Variants in RHOV observed in about 807,000 individuals in gnomAD.
The protein encoded by RHOV is ras homolog family member V, also known as rho-related GTP-binding protein RhoV.
In RHOV, 6 loss-of-function variants were observed where a neutral mutation model predicts 20.2. That is an observed-to-expected ratio of 0.30 (90% CI 0.16 to 0.59). The LOEUF is 0.59. Ranked by LOEUF, RHOV falls within the 20% of genes least tolerant of loss-of-function variation. The pLI is 0.89. For synonymous variants in RHOV, 136 were observed against 142.3 expected, an observed-to-expected ratio of 0.96 and a Z score of 0.31; for missense variants, 275 against 319.4, an observed-to-expected ratio of 0.86 and a Z score of 1.06.
chr15:40,873,354 G>A lies in RHOV; in HGVS notation c.415C>T (p.Leu139=), dbSNP rs568713452. 907 of 1,613,126 alleles carry A rather than the reference G, an allele frequency of 5.6e-4. 14 individuals carry two copies. The South Asian group carries it at 9.2e-3, about 16-fold the overall frequency. Residue 139 remains leucine, a synonymous_variant, in exon 3 of 3, where the codon CTG becomes TTG. Transcript: ENST00000220507. ...AGGTCGGCCTGGGTGCCCACCAGCA[G>A]CACAGGCGCCTGGGGGTTGTGCGTG... ...IRTHNPQAPV[L]LVGTQADLRD... is the part of the protein sequence containing the mutation.
rs770552675 is a variant in RHOV, at chr15:40,874,081, G to A, written c.59C>T (p.Pro20Leu). The A allele has an allele frequency of 2.0e-5, 30 of 1,505,090 alleles. No homozygotes were observed. The highest frequency in any genetic ancestry group is 2.4e-5 in the Non-Finnish European group (27 of 1,130,926). 93.2% of individuals were successfully genotyped at this position (1,505,090 alleles called of 1,614,324 possible). A position where few individuals can be genotyped will look rare whatever the true frequency, so the allele number is the denominator to read the frequency against. Residue 20 changes from proline to leucine, a missense_variant, in exon 1 of 3, where the codon CCC becomes CTC. Pro to Leu is a moderately conservative substitution (Grantham distance 98). Coordinates refer to ENST00000220507, the MANE Select transcript of RHOV (RefSeq NM_133639.4). Reference sequence around the variant, plus strand: ...TGGGGGCGCGCTACGCCGCCGCGGGGGAGGGGTCGGGGCCCGGAGCGGGGG... The same window carrying A: ...TGGGGGCGCGCTACGCCGCCGCGGGAGAGGGGTCGGGGCCCGGAGCGGGGG... ...EPPPLRAPTP[P>L]PRRRSAPPEL... is the part of the protein sequence containing the mutation.
chr15:40,873,023 C>T lies in RHOV; in HGVS notation c.*35G>A, dbSNP rs776123479. The T allele has an allele frequency of 5.1e-6, 8 of 1,563,900 alleles. No individual in the cohort carries two copies. The East Asian group carries it at 1.8e-4, about 35-fold the overall frequency. On this transcript the variant is annotated 3_prime_UTR_variant, in exon 3 of 3. Transcript: ENST00000220507. ...GCCCCAGGTCTCAGAAGTCTTTGGC[C>T]TCCTGCCTACTACTTGCTATGCAGC...
Position 40,874,165 on chromosome 15 carries a change from GC to G in RHOV, c.-27del. ...GGCCCGCTCCGGGGGCAGCAGAGGG[GC>G]CAGCCCGGGTCTCGGCTTCGCTGCG... is the stretch of plus-strand genomic sequence containing the variant. On this transcript the variant is annotated 5_prime_UTR_variant, in exon 1 of 3. Coordinates refer to ENST00000220507, the MANE Select transcript of RHOV (RefSeq NM_133639.4). 1.8e-6 allele frequency: 2 copies of G among 1,099,440 alleles called. No homozygotes were observed. The highest frequency in any genetic ancestry group is 2.4e-6 in the Non-Finnish European group (2 of 841,988). The allele number at this position is 1,099,440 out of a possible 1,614,324, so 68.1% of individuals were successfully genotyped here.
chr15:40,873,139 G>A lies in RHOV; in HGVS notation c.630C>T (p.Ala210=). Residue 210 remains alanine, a synonymous_variant, in exon 3 of 3, where the codon GCC becomes GCT. Transcript: ENST00000220507. ...SAILSAIEHK[A]RLEKKLNAKG... is the part of the protein sequence containing the mutation. ...TGGCATTCAGTTTCTTCTCCAGCCGGGCTTTGTGCTCAATGGCACTGAGAA... is the reference window on the plus strand; with the variant it reads ...TGGCATTCAGTTTCTTCTCCAGCCGAGCTTTGTGCTCAATGGCACTGAGAA... 2 of 1,614,218 alleles carry A rather than the reference G, an allele frequency of 1.2e-6. No individual in the cohort carries two copies. The highest frequency in any genetic ancestry group is 1.1e-5 in the South Asian group (1 of 91,086).
intron 1 of RHOV, 56 bp downstream of exon 1, chr15:40,873,876 C>G (rs1236650435): frequency 1.9e-6 from 3 of 1,561,384 alleles, no homozygotes; most frequent in Admixed American, 3.5e-5. Flanking sequence ...CCCCAGCTCC[C>G]CGGTGCACAG....
chr15:40,873,616 A>T, intron 2 of RHOV, 68 bp downstream of exon 2: 1 of 1,591,850 alleles, frequency 6.3e-7, no homozygotes, highest in Non-Finnish European at 8.6e-7. Flanking sequence ...CATTTGCTCC[A>T]TATGGGGTCC....
intron 2 of RHOV, 45 bp from the exon 3 acceptor site, chr15:40,873,546 T>C: frequency 3.1e-6 from 5 of 1,590,262 alleles, no homozygotes; most frequent in Non-Finnish European, 4.3e-6. Flanking sequence ...CCCCGACACA[T>C]GGAATCCATT....
chr15:40,873,086 C>T lies in RHOV; in HGVS notation c.683G>A (p.Arg228His), dbSNP rs1225818851. 1 of 1,613,940 alleles carries T rather than the reference C, an allele frequency of 6.2e-7. No individual in the cohort carries two copies. The highest frequency in any genetic ancestry group is 8.5e-7 in the Non-Finnish European group (1 of 1,179,836). The stretch of plus-strand genomic sequence containing the variant: ...AACGAAGCAGAAGAACTTCTTCCAG[C>T]GGCAGCGGGAGAGGGTGCGCACACC... ...AKGVRTLSRC[R>H]WKKFFCFV The change falls in exon 3 of 3, where the codon CGC (arginine) becomes CAC (histidine). Residue 228 changes from arginine (R) to histidine (H), a missense_variant. Coordinates refer to ENST00000220507, the MANE Select transcript of RHOV (RefSeq NM_133639.4).
In RHOV at chr15:40,874,042, T is replaced by C; in HGVS notation, c.98A>G (p.Lys33Arg). 3 of 1,595,472 alleles carry C rather than the reference T, an allele frequency of 1.9e-6. No homozygotes were observed. The highest frequency in any genetic ancestry group is 2.6e-6 in the Non-Finnish European group (3 of 1,173,078). Reference protein sequence around the residue: ...RRSAPPELGIKCVLVGDGAVG... With the variant: ...RRSAPPELGIRCVLVGDGAVG... ...GGCGCCGTCGCCCACCAGCACGCAC[T>C]TGATGCCCAGCTCTGGGGGCGCGCT... The change falls in exon 1 of 3, where the codon AAG becomes AGG. Residue 33 changes from lysine to arginine, a missense_variant. By Grantham distance (26) the Lys-to-Arg change is conservative (BLOSUM62 2). Coordinates refer to ENST00000220507, the MANE Select transcript of RHOV (RefSeq NM_133639.4).
rs1891916183 is a variant in RHOV at position 40,873,443 on chromosome 15, C to T, written c.326G>A (p.Cys109Tyr). Residue 109 changes from cysteine (C) to tyrosine (Y), a missense_variant, in exon 3 of 3, where the codon TGC becomes TAC. Physicochemically the swap from Cys to Tyr is radical, Grantham distance 194. Transcript: ENST00000220507. ...CYPDTDVFLA[C>Y]FSVVQPSSFQ... ...GGAGCTGGGCTGCACCACGCTGAAGCACGCCAGGAAGACATCGGTATCCGG... is the reference window on the plus strand; with the variant it reads ...GGAGCTGGGCTGCACCACGCTGAAGTACGCCAGGAAGACATCGGTATCCGG... 6.2e-7 allele frequency: 1 copy of T among 1,608,334 alleles called. No individual in the cohort carries two copies.
chr15:40,874,141 GC>G lies in RHOV; in HGVS notation c.-3del. 7.6e-7 allele frequency: 1 copy of G among 1,310,166 alleles called. No homozygotes were observed. The allele number at this position is 1,310,166 out of a possible 1,614,324, so 81.2% of individuals were successfully genotyped here. ...CTCGCTCAGCTCCCGCGGCGGCATG[GC>G]CCGCTCCGGGGGCAGCAGAGGGGCC... On this transcript the variant is annotated 5_prime_UTR_variant, in exon 1 of 3. Transcript: ENST00000220507.
intron 2 of RHOV, 70 bp downstream of exon 2, chr15:40,873,613 TC>T: frequency 6.3e-7 from 1 of 1,583,852 alleles, no homozygotes; most frequent in Non-Finnish European, 8.7e-7. Context: ...CTCCATTTGC[TC>T]CATATGGGGT....
chr15:40,872,982 C>T lies in RHOV; in HGVS notation c.*76G>A. 8.5e-7 allele frequency: 1 copy of T among 1,181,186 alleles called. No individual in the cohort carries two copies. Among genetic ancestry groups the T allele is most frequent in the Non-Finnish European group, 1.2e-6 (1 of 816,152 alleles). The allele number at this position is 1,181,186 out of a possible 1,614,324, so 73.2% of individuals were successfully genotyped here. On this transcript the variant is annotated 3_prime_UTR_variant, in exon 3 of 3. Transcript: ENST00000220507. ...GGTGGCCAGGCCCTGCCAGTAGCTG[C>T]CGCAAAGGCCCGGGTGCCCCAGGTC...
Position 40,873,750 on chromosome 15 carries a change from G to C in RHOV, c.209-8C>G. ...CATCCACCAGGACTTGCACTGCAGG[G>C]GCGGGGCGGGGAGAGCCTGAGTTAG... On this transcript the variant is annotated splice_region_variant and splice_polypyrimidine_tract_variant and intron_variant, in intron 1 of 2. Transcript: ENST00000220507. The C allele has an allele frequency of 6.2e-7, 1 of 1,612,520 alleles. No individual in the cohort carries two copies.
chr15:40,873,011 G>C lies in RHOV; in HGVS notation c.*47C>G. On this transcript the variant is annotated 3_prime_UTR_variant, in exon 3 of 3. Transcript: ENST00000220507. ...AAAGGCCCGGGTGCCCCAGGTCTCAGAAGTCTTTGGCCTCCTGCCTACTAC... is the reference window on the plus strand; with the variant it reads ...AAAGGCCCGGGTGCCCCAGGTCTCACAAGTCTTTGGCCTCCTGCCTACTAC... 1 of 1,503,918 alleles carries C rather than the reference G, an allele frequency of 6.6e-7. No individual in the cohort carries two copies. The highest frequency in any genetic ancestry group is 1.2e-5 in the South Asian group (1 of 83,080). The allele number at this position is 1,503,918 out of a possible 1,614,324, so 93.2% of individuals were successfully genotyped here. A position where few individuals can be genotyped will look rare whatever the true frequency, so the allele number is the denominator to read the frequency against.
In RHOV at chr15:40,872,989, G is replaced by T; in HGVS notation, c.*69C>A. Reference sequence around the variant, plus strand: ...AGGCCCTGCCAGTAGCTGCCGCAAAGGCCCGGGTGCCCCAGGTCTCAGAAG... The same window carrying T: ...AGGCCCTGCCAGTAGCTGCCGCAAATGCCCGGGTGCCCCAGGTCTCAGAAG... On this transcript the variant is annotated 3_prime_UTR_variant, in exon 3 of 3. Transcript: ENST00000220507. 1 of 1,288,460 alleles carries T rather than the reference G, an allele frequency of 7.8e-7. No individual in the cohort carries two copies. 79.8% of individuals were successfully genotyped at this position (1,288,460 alleles called of 1,614,324 possible).
intron 2 of RHOV, 36 bp downstream of exon 2, chr15:40,873,648 C>G: frequency 6.2e-7 from 1 of 1,611,338 alleles, no homozygotes; most frequent in Non-Finnish European, 8.5e-7. Context: ...AGCCCATCTC[C>G]CCGCAGACCA....
Position 40,873,748 on chromosome 15 carries a change from G to A in RHOV, c.209-6C>T. 1 of 1,612,596 alleles carries A rather than the reference G, an allele frequency of 6.2e-7. No homozygotes were observed. Among genetic ancestry groups the A allele is most frequent in the Non-Finnish European group, 8.5e-7 (1 of 1,179,786 alleles). On this transcript the variant is annotated splice_region_variant and splice_polypyrimidine_tract_variant and intron_variant, in intron 1 of 2. Coordinates refer to ENST00000220507, the MANE Select transcript of RHOV (RefSeq NM_133639.4). ...TCCATCCACCAGGACTTGCACTGCA[G>A]GGGCGGGGCGGGGAGAGCCTGAGTT...
chr15:40,873,085 G>T lies in RHOV; in HGVS notation c.684C>A (p.Arg228=). 6.2e-7 allele frequency: 1 copy of T among 1,614,116 alleles called. No homozygotes were observed. The highest frequency in any genetic ancestry group is 2.2e-5 in the East Asian group (1 of 44,892). The change falls in exon 3 of 3, where the codon CGC becomes CGA. Residue 228 remains arginine, a synonymous_variant. Transcript: ENST00000220507. Reference sequence around the variant, plus strand: ...AAACGAAGCAGAAGAACTTCTTCCAGCGGCAGCGGGAGAGGGTGCGCACAC... The same window carrying T: ...AAACGAAGCAGAAGAACTTCTTCCATCGGCAGCGGGAGAGGGTGCGCACAC... ...AKGVRTLSRC[R]WKKFFCFV is the part of the protein sequence containing the mutation.
Sources: gnomAD v4.1 joint callset for allele counts on GRCh38, gnomAD v4.1.1 for gene constraint, MANE v1.5 for transcripts, NCBI Gene and HGNC (gene_info 2026-07-23, HGNC 2026-07-21) for gene names.